Variants in SLC24A2 observed in about 807,000 individuals in gnomAD.
The protein encoded by SLC24A2 is solute carrier family 24 member 2, also known as sodium/potassium/calcium exchanger 2.
In SLC24A2, 36 loss-of-function variants were observed where a neutral mutation model predicts 62.0. The observed-to-expected ratio is 0.58, with a 90% CI of 0.44 to 0.77. The LOEUF (loss-of-function observed/expected upper bound fraction) is 0.77. SLC24A2 is among the 30% of genes least tolerant of loss of function. The probability of loss-of-function intolerance (pLI) is 0.00; values close to 1 mark genes in which losing one functional copy is unlikely to be tolerated. For synonymous variants in SLC24A2, 358 were observed against 294.0 expected (o/e 1.22, Z -2.23); for missense variants, 846 against 817.9 (o/e 1.03, Z -0.42).
intron 9 of SLC24A2, among the ~76,000 whole-genome samples, chr9:19,526,728 TG>T (rs1833463074): frequency 6.6e-6 from 1 of 152,206 alleles, no homozygotes; most frequent in Admixed American, 6.5e-5. Context: ...GCTTTAAGCT[TG>T]TATCTTGGAT....
chr9:19,981,198 A>G, the SLC24A2 span, among the ~76,000 whole-genome samples: 1 of 152,238 alleles, frequency 6.6e-6, no homozygotes, highest in Non-Finnish European at 1.5e-5. Flanking sequence ...AGTGTTCTCC[A>G]AACAACTTCA....
chr9:19,850,522 G>C, the SLC24A2 span, among the ~76,000 whole-genome samples: 6 of 152,124 alleles, frequency 3.9e-5, no homozygotes, highest in African/African-American at 1.2e-4. Flanking sequence ...ACAATTCAAT[G>C]ATTCTTGGCC....
At chr9:19,673,096 T>G (rs966928874) in intron 2 of SLC24A2, among the ~76,000 whole-genome samples, 3 of 146,408 alleles carry the variant, frequency 2.0e-5, no homozygotes, top group African/African-American at 5.4e-5. Context: ...TTTGTTGACC[T>G]TTTGCCTTGA....
At chr9:19,921,433 G>A in the SLC24A2 span, among the ~76,000 whole-genome samples, 1 of 150,776 alleles carries the variant, frequency 6.6e-6, no homozygotes, top group East Asian at 2.0e-4. Context: ...ACAGAATGGC[G>A]TGAACCCGGG....
At chr9:19,634,556 G>A (rs558722182) in intron 2 of SLC24A2, among the ~76,000 whole-genome samples, 9 of 152,182 alleles carry the variant, frequency 5.9e-5, no homozygotes, top group Admixed American at 1.3e-4. Flanking sequence ...CCAAAGTGCC[G>A]GGATTATAGG....
the SLC24A2 span, among the ~76,000 whole-genome samples, chr9:20,041,453 T>C: frequency 6.6e-6 from 1 of 152,228 alleles, no homozygotes; most frequent in African/African-American, 2.4e-5. Context: ...ACAAAAAGCA[T>C]GTGCATGCCC....
chr9:19,558,202 G>C (rs1371238368), intron 7 of SLC24A2, among the ~76,000 whole-genome samples: 1 of 152,152 alleles, frequency 6.6e-6, no homozygotes, highest in African/African-American at 2.4e-5. Context: ...AAAGTGAAAT[G>C]AAGGGCAGAC....
the SLC24A2 span, among the ~76,000 whole-genome samples, chr9:20,192,865 C>G: frequency 6.6e-6 from 1 of 152,126 alleles, no homozygotes; most frequent in Non-Finnish European, 1.5e-5. Context: ...GACTTCCCCT[C>G]ATTCTATCTT....
At chr9:20,027,330 TC>T in the SLC24A2 span, among the ~76,000 whole-genome samples, 2 of 152,104 alleles carry the variant, frequency 1.3e-5, no homozygotes, top group Non-Finnish European at 2.9e-5. Context: ...AATCACTACG[TC>T]AAAAAGATAT....
chr9:19,853,120 C>T, the SLC24A2 span, among the ~76,000 whole-genome samples: 1 of 152,046 alleles, frequency 6.6e-6, no homozygotes, highest in Non-Finnish European at 1.5e-5. Context: ...CTCTACTTAT[C>T]TGTTGTTGGT....
At chr9:19,796,860 T>C in the SLC24A2 span, among the ~76,000 whole-genome samples, 1 of 152,220 alleles carries the variant, frequency 6.6e-6, no homozygotes, top group African/African-American at 2.4e-5. Context: ...CTTTTCTCAT[T>C]CATTATTCTC....
the SLC24A2 span, among the ~76,000 whole-genome samples, chr9:19,990,330 G>C: frequency 3.9e-5 from 6 of 152,066 alleles, no homozygotes; most frequent in African/African-American, 1.4e-4. Context: ...TATCAAATGA[G>C]GCTGGGCACG....
At chr9:19,525,669 G>A (rs1044898163) in intron 9 of SLC24A2, among the ~76,000 whole-genome samples, 3 of 151,222 alleles carry the variant, frequency 2.0e-5, no homozygotes, top group African/African-American at 7.3e-5. Flanking sequence ...ATCCCAAAGT[G>A]CTGGGACTAC....
At chr9:19,552,605 T>C (rs1442541486) in intron 7 of SLC24A2, among the ~76,000 whole-genome samples, 2 of 152,188 alleles carry the variant, frequency 1.3e-5, no homozygotes, top group African/African-American at 4.8e-5. Flanking sequence ...ATTCTGAGAT[T>C]GATGCCTCCC....
At chr9:19,973,811 A>C in the SLC24A2 span, among the ~76,000 whole-genome samples, 1 of 152,206 alleles carries the variant, frequency 6.6e-6, no homozygotes, top group East Asian at 1.9e-4. Flanking sequence ...AGGTTGTTTA[A>C]AATTGTTTAG....
At chr9:20,111,030 C>A in the SLC24A2 span, among the ~76,000 whole-genome samples, 2 of 152,270 alleles carry the variant, frequency 1.3e-5, no homozygotes, top group African/African-American at 4.8e-5. Context: ...ATGTTTAAAG[C>A]ACCTGTGAAT....
At chr9:19,758,130 C>A (rs1007847086) in intron 2 of SLC24A2, among the ~76,000 whole-genome samples, 1 of 152,034 alleles carries the variant, frequency 6.6e-6, no homozygotes, top group Non-Finnish European at 1.5e-5. Flanking sequence ...AAGATACATA[C>A]CAACAGAGAA....
the SLC24A2 span, among the ~76,000 whole-genome samples, chr9:19,905,294 C>T: frequency 2.6e-5 from 4 of 152,152 alleles, no homozygotes; most frequent in Non-Finnish European, 1.5e-5. Context: ...CCGGTATTGT[C>T]CCTGTAAATA....
chr9:20,185,965 T>C, the SLC24A2 span, among the ~76,000 whole-genome samples: 1,631 of 152,264 alleles, frequency 0.011, 30 homozygotes, highest in African/African-American at 0.037. Flanking sequence ...TTTGCTTTTG[T>C]GATTGGAAGA....
Sources: allele counts gnomAD v4.1 joint callset (sites outside exome capture counted in the v4.1 genomes callset), GRCh38; gene constraint gnomAD v4.1.1; transcripts MANE v1.5; gene names NCBI Gene and HGNC (gene_info 2026-07-23, HGNC 2026-07-21).